The following TUBGCP3 variants were observed in gnomAD, a reference collection of about 807,000 sequenced individuals.
TUBGCP3 encodes tubulin gamma complex component 3.
Under a neutral mutation model 123.1 loss-of-function variants are expected in TUBGCP3, and 50 were observed. The ratio of observed to expected loss-of-function variants is 0.41; its 90% CI spans 0.32 to 0.51. TUBGCP3 has a LOEUF of 0.51. Ranked by LOEUF, TUBGCP3 falls within the 20% of genes least tolerant of loss-of-function variation. The pLI, the probability that TUBGCP3 is intolerant of heterozygous loss-of-function variation, is 0.36. For synonymous variants in TUBGCP3, 405 were observed against 413.9 expected (o/e 0.98, Z 0.26); for missense variants, 882 against 1,127.0 (o/e 0.78, Z 3.11).
chr13:112,555,915 C>T (rs1879988555), intron 6 of TUBGCP3, 137 bp downstream of exon 6: 2 of 1,015,852 alleles, frequency 2.0e-6, no homozygotes, highest in Admixed American at 2.9e-5. Flanking sequence ...CCACCAGGGA[C>T]TCTGGACTTC....
At position 112,504,517 on chromosome 13, in the gene TUBGCP3, T is replaced by C. The variant is rs1415824129; in HGVS notation, c.2175+109A>G. On this transcript the variant is annotated intron_variant, in intron 18 of 21. Coordinates refer to ENST00000261965, the MANE Select transcript of TUBGCP3 (RefSeq NM_006322.6). ...AAAAAAAAAGAAAAAATTATGTATA[T>C]ATACACATATATATACACACATACA... 1.4e-5 allele frequency: 10 copies of C among 723,220 alleles called. No individual in the cohort carries two copies. The East Asian group carries it at 2.7e-4, about 19-fold the overall frequency. 44.8% of individuals were successfully genotyped at this position (723,220 alleles called of 1,614,324 possible).
the TUBGCP3 span, among the ~76,000 whole-genome samples, chr13:112,601,520 C>T: frequency 6.6e-6 from 1 of 152,288 alleles, no homozygotes; most frequent in Non-Finnish European, 1.5e-5. Flanking sequence ...GATGAGGTAA[C>T]GAGAAGTGTG....
rs1881481880 is a variant in TUBGCP3 at position 112,572,434 on chromosome 13, A to T, written c.77-3175T>A. The stretch of plus-strand genomic sequence containing the variant: ...CCCGCCCCTCACCCCCCACCCTCCA[A>T]CAGGCTCTGGTGTGTGTTGTTCCCC... On this transcript the variant is annotated intron_variant, in intron 1 of 21. Transcript: ENST00000261965. Among the ~76,000 whole-genome samples, 4 of 151,550 alleles carry T rather than the reference A, an allele frequency of 2.6e-5. No individual in the cohort carries two copies. The South Asian group carries it at 8.4e-4, about 32-fold the overall frequency.
At position 112,485,900 on chromosome 13, in the gene TUBGCP3, T is replaced by C. The variant is rs1465737921; in HGVS notation, c.*93A>G. The C allele has an allele frequency of 1.1e-5, 11 of 991,756 alleles. No homozygotes were observed. The South Asian group carries it at 1.7e-4, about 15-fold the overall frequency. The allele number at this position is 991,756 out of a possible 1,614,324, so 61.4% of individuals were successfully genotyped here. On this transcript the variant is annotated 3_prime_UTR_variant, in exon 22 of 22. Coordinates refer to ENST00000261965, the MANE Select transcript of TUBGCP3 (RefSeq NM_006322.6). ...CTCGTGGGCGGAAGGGCAGGACACC[T>C]GCAGCATGCAGTTCCTGCAGGACGT...
intron 11 of TUBGCP3, among the ~76,000 whole-genome samples, chr13:112,538,264 T>C (rs538954248): frequency 6.6e-6 from 1 of 152,364 alleles, no homozygotes; most frequent in East Asian, 1.9e-4. Context: ...TCAGATTCTC[T>C]GACTGGGGAT....
intron 1 of TUBGCP3, among the ~76,000 whole-genome samples, chr13:112,586,447 G>A (rs961406649): frequency 2.0e-5 from 3 of 152,082 alleles, no homozygotes; most frequent in African/African-American, 2.4e-5. Flanking sequence ...CCCCTATGAC[G>A]AGGAACATGA....
upstream of TUBGCP3, among the ~76,000 whole-genome samples, chr13:112,591,720 A>G (rs768815644): frequency 2.3e-4 from 35 of 152,226 alleles, no homozygotes; most frequent in Non-Finnish European, 4.4e-4. Flanking sequence ...GCAAGTGTGC[A>G]TCACTGGCCT....
At chr13:112,595,456 C>G in the TUBGCP3 span, among the ~76,000 whole-genome samples, 1 of 152,154 alleles carries the variant, frequency 6.6e-6, no homozygotes, top group Admixed American at 6.5e-5. Flanking sequence ...CTCGGCCTCC[C>G]AAAGTGCTGG....
At chr13:112,576,324 G>A (rs1228260521) in intron 1 of TUBGCP3, among the ~76,000 whole-genome samples, 1 of 152,140 alleles carries the variant, frequency 6.6e-6, no homozygotes, top group Non-Finnish European at 1.5e-5. Flanking sequence ...CTTTCAAGGG[G>A]TTGCAGTAGA....
intron 3 of TUBGCP3, among the ~76,000 whole-genome samples, chr13:112,563,449 A>G (rs1880679067): frequency 6.6e-6 from 1 of 152,206 alleles, no homozygotes; most frequent in South Asian, 2.1e-4. Context: ...GAAAAAGCCA[A>G]GCAAGTCAGT....
rs1248756380 is a variant in TUBGCP3, at chr13:112,578,188, C to G, written c.77-8929G>C. On this transcript the variant is annotated intron_variant, in intron 1 of 21. Transcript: ENST00000261965. ...CGTGGCTTGGATGGAATCCAGGACT[C>G]GTGGCTCTGGAATGTGTCTAGACTT... 6.6e-5 allele frequency among the ~76,000 whole-genome samples: 10 copies of G among 151,872 alleles called. No individual in the cohort carries two copies. The East Asian group carries it at 1.8e-3, about 27-fold the overall frequency.
intron 14 of TUBGCP3, among the ~76,000 whole-genome samples, chr13:112,520,539 A>G (rs1437279910): frequency 6.6e-6 from 1 of 151,450 alleles, no homozygotes; most frequent in Non-Finnish European, 1.5e-5. Context: ...CAAAAAAAAG[A>G]AAAAAAAAGA....
At chr13:112,574,636 C>A (rs1037539972) in intron 1 of TUBGCP3, among the ~76,000 whole-genome samples, 1 of 152,326 alleles carries the variant, frequency 6.6e-6, no homozygotes, top group South Asian at 2.1e-4. Flanking sequence ...CAGAAGTCAT[C>A]TCCGTCAAGA....
chr13:112,570,089 T>C (rs939763519), intron 1 of TUBGCP3, among the ~76,000 whole-genome samples: 1 of 152,038 alleles, frequency 6.6e-6, no homozygotes, highest in Non-Finnish European at 1.5e-5. Flanking sequence ...AACAGACTCC[T>C]GGGTCCTCCA....
At position 112,524,454 on chromosome 13, in the gene TUBGCP3, C is replaced by T. The variant is rs1018099123; in HGVS notation, c.1556-1945G>A. ...GCGCATGGGGACGCCCTGTCCCAGGCACAGCCCATGTGTGCGCCGCCTTCT... is the reference window on the plus strand; with the variant it reads ...GCGCATGGGGACGCCCTGTCCCAGGTACAGCCCATGTGTGCGCCGCCTTCT... On this transcript the variant is annotated intron_variant, in intron 13 of 21. Transcript: ENST00000261965. The surrounding 1 kb of genome is among the most constrained non-coding windows in gnomAD (Gnocchi z 4.4). Among the ~76,000 whole-genome samples, 1 of 152,214 alleles carries T rather than the reference C, an allele frequency of 6.6e-6. No individual in the cohort carries two copies. Among genetic ancestry groups the T allele is most frequent in the South Asian group, 2.1e-4 (1 of 4,834 alleles).
chr13:112,558,478 A>C, intron 4 of TUBGCP3, 65 bp from the exon 5 acceptor site: 1 of 1,344,080 alleles, frequency 7.4e-7, no homozygotes. Context: ...CAAACCTAAA[A>C]AGGTCATTTA....
Position 112,511,671 on chromosome 13 carries a change from CA to C in TUBGCP3, c.2086+4768del, listed in dbSNP as rs59468827. Among the ~76,000 whole-genome samples, 13,297 of 147,328 alleles carry C rather than the reference CA, an allele frequency of 0.09. 1,506 individuals are homozygous for C. The highest frequency in any genetic ancestry group is 0.26 in the African/African-American group (10,472 of 40,502). ...GATACAATATGGTTAAAAGGAAAAC[CA>C]AAAAAAAAATGTAGTATGAGCTATT... On this transcript the variant is annotated intron_variant, in intron 17 of 21. Transcript: ENST00000261965. This position sits in a 1 kb window ranked among gnomAD's most constrained non-coding sequence, Gnocchi z 4.1.
Position 112,547,699 on chromosome 13 carries a change from T to C in TUBGCP3, c.1089A>G (p.Thr363=). 6.4e-7 allele frequency: 1 copy of C among 1,570,400 alleles called. No individual in the cohort carries two copies. Among genetic ancestry groups the C allele is most frequent in the Non-Finnish European group, 8.6e-7 (1 of 1,156,546 alleles). The part of the protein sequence containing the change: ...GVNLGLESSL[T]LRRLLVWTYD... ...AGGTCCAAACCAGGAGGCGCCGAAG[T>C]GTTAAACTACTCTCAAGTCCCAAAT... The change falls in exon 10 of 22, where the codon ACA becomes ACG. Residue 363 remains threonine (T), a synonymous_variant. Coordinates refer to ENST00000261965, the MANE Select transcript of TUBGCP3 (RefSeq NM_006322.6).
At chr13:112,515,411 A>C (rs1000582279) in intron 17 of TUBGCP3, among the ~76,000 whole-genome samples, 1 of 152,202 alleles carries the variant, frequency 6.6e-6, no homozygotes, top group Non-Finnish European at 1.5e-5. Flanking sequence ...GGGAAGGAGA[A>C]GTGCAGGCAA....
Sources: gnomAD v4.1 joint callset for allele counts (sites outside exome capture counted in the v4.1 genomes callset) on GRCh38, gnomAD v4.1.1 for gene constraint, Gnocchi (gnomAD v3.1) non-coding constraint, MANE v1.5 for transcripts, NCBI Gene and HGNC (gene_info 2026-07-23, HGNC 2026-07-21) for gene names.